PLA2G2C: variants seen among roughly 807,000 people sequenced by gnomAD.
The protein encoded by PLA2G2C is phospholipase A2 group IIC.
A neutral mutation model predicts 14.3 loss-of-function variants in PLA2G2C; 15 were observed. The observed-to-expected ratio is 1.05, with a 90% CI of 0.70 to 1.62. PLA2G2C has a LOEUF of 1.62. PLA2G2C is among the 40% of genes most tolerant of loss of function. The pLI is 0.00. For missense variants in PLA2G2C, 162 were observed against 173.2 expected (o/e 0.94, Z 0.36); for synonymous variants, 79 against 67.7 (o/e 1.17, Z -0.82).
chr1:20,179,705 CCCTT>C (rs1557789826), intron 1 of PLA2G2C, among the ~76,000 whole-genome samples: 1 of 145,342 alleles, frequency 6.9e-6, no homozygotes, highest in East Asian at 2.1e-4. Context: ...GTCAGCTTCT[CCCTT>C]GTGTGTCAGC....
rs1277814189 is a variant in PLA2G2C at position 20,164,058 on chromosome 1, G to T, written c.383C>A (p.Thr128Asn). The change falls in exon 5 of 5, where the codon ACC (threonine) becomes AAC (asparagine). Residue 128 changes from threonine to asparagine, a missense_variant. Physicochemically the swap from Thr to Asn is moderately conservative, Grantham distance 65. Transcript: ENST00000679259. Reference sequence around the variant, plus strand: ...GAACTGCTTGAAGTTTTTCTCATAGGTGGGCAGGCTCTCTTTGAAGCAGTG... The same window carrying T: ...GAACTGCTTGAAGTTTTTCTCATAGTTGGGCAGGCTCTCTTTGAAGCAGTG... ...SVHCFKESLPTYEKNFKQFSS... is the reference protein window; with the variant it reads ...SVHCFKESLPNYEKNFKQFSS... The T allele has an allele frequency of 6.2e-7, 1 of 1,613,744 alleles. No individual in the cohort carries two copies. Among genetic ancestry groups the T allele is most frequent in the African/African-American group, 1.3e-5 (1 of 74,920 alleles).
chr1:20,182,777 A>C (rs1263683078), intron 1 of PLA2G2C, among the ~76,000 whole-genome samples: 1 of 152,268 alleles, frequency 6.6e-6, no homozygotes, highest in Non-Finnish European at 1.5e-5. Flanking sequence ...CAGGCAGAGC[A>C]GGACACTGGC....
chr1:20,173,050 T>G (rs1339323144), intron 3 of PLA2G2C, among the ~76,000 whole-genome samples, 153 bp from the exon 4 acceptor site: 2 of 151,932 alleles, frequency 1.3e-5, no homozygotes, highest in Non-Finnish European at 2.9e-5. Context: ...GGCTCATGCC[T>G]GCAATCCCAG....
intron 3 of PLA2G2C, among the ~76,000 whole-genome samples, chr1:20,173,213 G>A (rs2018119657): frequency 6.6e-6 from 1 of 151,694 alleles, no homozygotes; most frequent in Non-Finnish European, 1.5e-5. Flanking sequence ...CTACTCAGGA[G>A]GCTGAAGTGG....
rs78305745 is a variant in PLA2G2C, at chr1:20,173,617, C to T, written c.180-720G>A. ...TGAGGAGACAACTGTCTGTAAAAGC[C>T]GACGTAGTCCCATTCATGGCACCCA... On this transcript the variant is annotated intron_variant, in intron 3 of 4. Coordinates refer to ENST00000679259, the MANE Select transcript of PLA2G2C (RefSeq NM_001367969.2). Among the ~76,000 whole-genome samples, 5 of 152,248 alleles carry T rather than the reference C, an allele frequency of 3.3e-5. No individual in the cohort carries two copies. The East Asian group carries it at 5.8e-4, about 18-fold the overall frequency.
At chr1:20,165,540 TAA>T (rs2017960248) in intron 4 of PLA2G2C, among the ~76,000 whole-genome samples, 3 of 152,188 alleles carry the variant, frequency 2.0e-5, no homozygotes, top group South Asian at 4.1e-4. Context: ...GAATGAAGAA[TAA>T]GAGAAGGGAT....
intron 4 of PLA2G2C, among the ~76,000 whole-genome samples, chr1:20,172,126 G>A (rs1370947493): frequency 6.6e-6 from 1 of 152,120 alleles, no homozygotes; most frequent in Non-Finnish European, 1.5e-5. Context: ...GATCCACCCT[G>A]GCTATGCTGG....
At chr1:20,179,978 CTGTG>C (rs879754442) in intron 1 of PLA2G2C, among the ~76,000 whole-genome samples, 24 of 150,764 alleles carry the variant, frequency 1.6e-4, no homozygotes, top group African/African-American at 3.9e-4. Flanking sequence ...CAGTTTCTCT[CTGTG>C]TGTGTGTTAG....
At chr1:20,166,989 C>T (rs927334211) in intron 4 of PLA2G2C, among the ~76,000 whole-genome samples, 2 of 152,194 alleles carry the variant, frequency 1.3e-5, no homozygotes, top group Non-Finnish European at 2.9e-5. Flanking sequence ...GATCTTGCAT[C>T]TTTTAATGTG....
At chr1:20,182,790 T>C (rs919318204) in intron 1 of PLA2G2C, among the ~76,000 whole-genome samples, 4 of 152,238 alleles carry the variant, frequency 2.6e-5, no homozygotes, top group Non-Finnish European at 4.4e-5. Context: ...ACACTGGCTA[T>C]AGACTCTGAA....
At chr1:20,173,067 G>T (rs2018116725) in intron 3 of PLA2G2C, among the ~76,000 whole-genome samples, 170 bp from the exon 4 acceptor site, 1 of 151,904 alleles carries the variant, frequency 6.6e-6, no homozygotes. Flanking sequence ...CCAGCACTTT[G>T]TGAGGATAAG....
intron 2 of PLA2G2C, 69 bp from the exon 3 acceptor site, chr1:20,175,214 C>T: frequency 1.2e-6 from 2 of 1,610,056 alleles, no homozygotes. Flanking sequence ...TTGATGTCCC[C>T]TCCCCTTACT....
chr1:20,175,910 CTT>C (rs1245322352), intron 2 of PLA2G2C, among the ~76,000 whole-genome samples: 88 of 139,806 alleles, frequency 6.3e-4, no homozygotes, highest in African/African-American at 1.7e-3. Flanking sequence ...CCCTTTCCTT[CTT>C]TTTTTTTTTT....
chr1:20,175,073 G>T lies in PLA2G2C; in HGVS notation c.113C>A (p.Ser38Ter). The change falls in exon 3 of 5, where the codon TCA becomes TAA. Residue 38 changes from serine to a stop codon, truncating the protein, a stop_gained. Transcript: ENST00000679259. LOFTEE classifies it high-confidence loss of function. ...ACAGTAGCAGCCATATCCGTAATAT[G>T]AGAAGAAGGCACTTCGCCCCGTGAT... is the stretch of plus-strand genomic sequence containing the variant. ...KHITGRSAFFSYYGYGCYCGL... is the reference protein window; with the variant it reads ...KHITGRSAFF 1 of 1,614,022 alleles carries T rather than the reference G, an allele frequency of 6.2e-7. No homozygotes were observed. The highest frequency in any genetic ancestry group is 1.3e-5 in the African/African-American group (1 of 75,036).
Position 20,186,467 on chromosome 1 carries a change from G to A in PLA2G2C, c.-184C>T, listed in dbSNP as rs1168828463. 1.3e-5 allele frequency: 2 copies of A among 152,440 alleles called. No individual in the cohort carries two copies. Among genetic ancestry groups the A allele is most frequent in the Admixed American group, 1.3e-4 (2 of 15,288 alleles). The allele number at this position is 152,440 out of a possible 1,614,324, so 9.4% of individuals were successfully genotyped here. A position where few individuals can be genotyped will look rare whatever the true frequency, so the allele number is the denominator to read the frequency against. On this transcript the variant is annotated 5_prime_UTR_variant, in exon 1 of 5. Transcript: ENST00000679259. ...ATGTAGCGACGGGGACACAGACCCA[G>A]GGAGAGAAAAGGATGTCCCAGTCTC...
rs1030959931 is a variant in PLA2G2C at position 20,177,337 on chromosome 1, G to C, written c.27C>G (p.Leu9=). The change falls in exon 2 of 5, where the codon CTC becomes CTG. Residue 9 remains leucine, a synonymous_variant. Transcript: ENST00000679259. MKVIAILT[L]LLFCSPTHSS... ...CTCTCTACTTACAGCAGAAGAGGAGGAGGGTGAGGATGGCAATGACCTTCA... is the reference window on the plus strand; with the variant it reads ...CTCTCTACTTACAGCAGAAGAGGAGCAGGGTGAGGATGGCAATGACCTTCA... 1.4e-6 allele frequency: 1 copy of C among 700,952 alleles called. No homozygotes were observed. Among genetic ancestry groups the C allele is most frequent in the Non-Finnish European group, 2.6e-6 (1 of 384,854 alleles). 43.4% of individuals were successfully genotyped at this position (700,952 alleles called of 1,614,324 possible).
chr1:20,185,612 G>A (rs867834105), intron 1 of PLA2G2C, among the ~76,000 whole-genome samples: 22 of 152,272 alleles, frequency 1.4e-4, no homozygotes, highest in Admixed American at 2.0e-4. Context: ...GGGAACTGGC[G>A]CTGAAAGGGC....
chr1:20,178,108 A>G (rs1038520740), intron 1 of PLA2G2C, among the ~76,000 whole-genome samples: 3 of 152,240 alleles, frequency 2.0e-5, no homozygotes, highest in Non-Finnish European at 4.4e-5. Flanking sequence ...TAATGAAAGT[A>G]AAACTGTTTT....
chr1:20,175,202 C>A, intron 2 of PLA2G2C, 57 bp from the exon 3 acceptor site: 6 of 1,612,464 alleles, frequency 3.7e-6, no homozygotes, highest in Admixed American at 1.7e-5. Flanking sequence ...CATGATGCTG[C>A]CTTGATGTCC....
Sources: allele counts gnomAD v4.1 joint callset (sites outside exome capture counted in the v4.1 genomes callset), GRCh38; gene constraint gnomAD v4.1.1; transcripts MANE v1.5; gene names NCBI Gene and HGNC (gene_info 2026-07-23, HGNC 2026-07-21).